AUTS2: variants seen among roughly 807,000 people sequenced by gnomAD.
AUTS2 encodes the protein autism susceptibility gene 2 protein.
In AUTS2, 17 loss-of-function variants were observed where a neutral mutation model predicts 112.4. The observed-to-expected ratio is 0.15, with a 90% CI of 0.10 to 0.23. The LOEUF (loss-of-function observed/expected upper bound fraction) is 0.23, where lower values mean the gene tolerates loss of function less well. Ranked by LOEUF, AUTS2 falls within the 10% of genes least tolerant of loss-of-function variation. The pLI, the probability that AUTS2 is intolerant of heterozygous loss-of-function variation, is 1.00. For synonymous variants in AUTS2, 751 were observed against 702.7 expected (o/e 1.07, Z -1.09); for missense variants, 1,510 against 1,701.6 (o/e 0.89, Z 1.98).
chr7:70,275,668 G>C (rs1787894685), intron 4 of AUTS2, among the ~76,000 whole-genome samples: 1 of 152,154 alleles, frequency 6.6e-6, no homozygotes, highest in Non-Finnish European at 1.5e-5. Flanking sequence ...GAGGGATCTG[G>C]TGGAGAGAAT....
Position 69,598,651 on chromosome 7 carries a change from G to C in AUTS2, c.-1003G>C, listed in dbSNP as rs1367916777. On this transcript the variant is annotated 5_prime_UTR_variant, in exon 1 of 19. Coordinates refer to ENST00000342771, the MANE Select transcript of AUTS2 (RefSeq NM_015570.4). The stretch of plus-strand genomic sequence containing the variant: ...CGAGAGAAGCGGCGGCGGCGGCGGC[G>C]GCACACCGGTGTCTCTCCCGCTGGA... 1 of 168,154 alleles carries C rather than the reference G, an allele frequency of 5.9e-6. No homozygotes were observed. Among genetic ancestry groups the C allele is most frequent in the East Asian group, 1.8e-4 (1 of 5,480 alleles). 10.4% of individuals were successfully genotyped at this position (168,154 alleles called of 1,614,324 possible).
chr7:70,358,426 C>T (rs1756698071), intron 4 of AUTS2, among the ~76,000 whole-genome samples: 1 of 152,230 alleles, frequency 6.6e-6, no homozygotes, highest in South Asian at 2.1e-4. Flanking sequence ...CTTTGCTCCT[C>T]ACCTCACTCA....
intron 5 of AUTS2, among the ~76,000 whole-genome samples, chr7:70,565,074 G>A (rs887584206): frequency 2.6e-5 from 4 of 152,084 alleles, no homozygotes; most frequent in Non-Finnish European, 5.9e-5. Flanking sequence ...CTCCAGCCTG[G>A]GCGATAGAGT....
chr7:70,469,126 G>A (rs1416484929), intron 5 of AUTS2, among the ~76,000 whole-genome samples: 1 of 152,222 alleles, frequency 6.6e-6, no homozygotes, highest in Non-Finnish European at 1.5e-5. Flanking sequence ...CAGTCAACAA[G>A]TATTTGAGTG....
intron 2 of AUTS2, among the ~76,000 whole-genome samples, chr7:70,076,566 G>A (rs1365569394): frequency 6.6e-6 from 1 of 152,174 alleles, no homozygotes; most frequent in Non-Finnish European, 1.5e-5. Flanking sequence ...TGTGGTTGCA[G>A]GCCACAGGCT....
chr7:69,953,533 T>C (rs1797106379), intron 2 of AUTS2, among the ~76,000 whole-genome samples: 1 of 152,312 alleles, frequency 6.6e-6, no homozygotes, highest in East Asian at 1.9e-4. Flanking sequence ...TTCTGATGGT[T>C]GAGTAGAAAA....
intron 5 of AUTS2, among the ~76,000 whole-genome samples, chr7:70,577,572 A>G (rs1585323422): frequency 6.6e-6 from 1 of 152,200 alleles, no homozygotes; most frequent in South Asian, 2.1e-4. Context: ...TACTTAATTG[A>G]TAAATTGACA....
At chr7:70,495,159 G>A (rs1380237699) in intron 5 of AUTS2, among the ~76,000 whole-genome samples, 2 of 150,296 alleles carry the variant, frequency 1.3e-5, no homozygotes, top group African/African-American at 2.5e-5. Context: ...CAGTTACCCA[G>A]GGCACCTGGG....
At chr7:70,571,471 T>TA (rs1801936556) in intron 5 of AUTS2, among the ~76,000 whole-genome samples, 1 of 152,210 alleles carries the variant, frequency 6.6e-6, no homozygotes, top group African/African-American at 2.4e-5. Flanking sequence ...CTTGGAAAGG[T>TA]ACAGGACAGG....
intron 5 of AUTS2, among the ~76,000 whole-genome samples, chr7:70,660,280 C>A (rs1229210756): frequency 6.6e-6 from 1 of 152,144 alleles, no homozygotes; most frequent in African/African-American, 2.4e-5. Flanking sequence ...TACCACTTCA[C>A]CCTGGGTCAA....
At chr7:70,095,687 C>G (rs906123171) in intron 2 of AUTS2, among the ~76,000 whole-genome samples, 1 of 152,116 alleles carries the variant, frequency 6.6e-6, no homozygotes, top group Non-Finnish European at 1.5e-5. Context: ...CAGTTATACA[C>G]TTAAAATTTT....
At chr7:70,203,767 C>A (rs1331698837) in intron 4 of AUTS2, among the ~76,000 whole-genome samples, 2 of 148,392 alleles carry the variant, frequency 1.3e-5, no homozygotes, top group Non-Finnish European at 3.0e-5. Flanking sequence ...TATAACAACT[C>A]CCCAAATAAA....
chr7:70,750,191 C>A (rs1348348745), intron 6 of AUTS2, among the ~76,000 whole-genome samples: 1 of 152,024 alleles, frequency 6.6e-6, no homozygotes. Context: ...CTACCTGGAC[C>A]CTGATGAGAG....
At position 70,106,911 on chromosome 7, in the gene AUTS2, GT is replaced by G. The variant is rs557820197; in HGVS notation, c.523-11211del. On this transcript the variant is annotated intron_variant, in intron 2 of 18. Transcript: ENST00000342771. ...CTTTAACAACATAAGAAAAGGAGTG[GT>G]TTTTTTTTTATACTTGTTAGGTAAA... 1.8e-3 allele frequency among the ~76,000 whole-genome samples: 260 copies of G among 148,312 alleles called. 2 individuals are homozygous for G. The highest frequency in any genetic ancestry group is 3.8e-3 in the Admixed American group (56 of 14,776).
intron 1 of AUTS2, among the ~76,000 whole-genome samples, chr7:69,675,604 T>C (rs1796529134): frequency 1.3e-5 from 2 of 150,766 alleles, no homozygotes; most frequent in South Asian, 4.2e-4. Flanking sequence ...CCTCCCGGGT[T>C]CAAGACATTC....
In AUTS2 at chr7:70,781,755, T is replaced by C. The variant is rs1034835280; in HGVS notation, c.2145T>C (p.Ala715=). ...LARPSTLFSA[A]GAAHPTGTPF... ...GGCCTTCAACTTTGTTCTCTGCCGC[T>C]GGTGAGTGTGGGTTTGGGTGGGGGG... is the stretch of plus-strand genomic sequence containing the variant. Residue 715 remains alanine (A), a splice_region_variant and synonymous_variant, in exon 15 of 19, where the codon GCT becomes GCC. Transcript: ENST00000342771. The C allele has an allele frequency of 2.5e-6, 4 of 1,613,774 alleles. No homozygotes were observed. The African/African-American group carries it at 5.3e-5, about 22-fold the overall frequency.
chr7:70,385,456 A>G (rs1793566947), intron 4 of AUTS2, among the ~76,000 whole-genome samples: 1 of 152,228 alleles, frequency 6.6e-6, no homozygotes, highest in Non-Finnish European at 1.5e-5. Context: ...CACACAATTA[A>G]ACAAGTATCA....
chr7:69,918,564 A>G (rs565193184), intron 2 of AUTS2, among the ~76,000 whole-genome samples: 40 of 152,370 alleles, frequency 2.6e-4, no homozygotes, highest in African/African-American at 9.4e-4. Flanking sequence ...TTACTGATAC[A>G]AAGACATTTC....
At chr7:70,401,445 G>A (rs948925500) in intron 4 of AUTS2, among the ~76,000 whole-genome samples, 1 of 152,196 alleles carries the variant, frequency 6.6e-6, no homozygotes, top group African/African-American at 2.4e-5. Context: ...GGAGGAAGGA[G>A]GGACCAAGCT....
Sources: gnomAD v4.1 joint callset for allele counts (sites outside exome capture counted in the v4.1 genomes callset) on GRCh38, gnomAD v4.1.1 for gene constraint, MANE v1.5 for transcripts, NCBI Gene and HGNC (gene_info 2026-07-23, HGNC 2026-07-21) for gene names.